The following ARHGAP45 variants were observed in gnomAD, a reference collection of about 807,000 sequenced individuals.
ARHGAP45 encodes the protein rho GTPase-activating protein 45.
A neutral mutation model predicts 116.1 loss-of-function variants in ARHGAP45; 56 were observed. That is an observed-to-expected ratio of 0.48 (90% CI 0.39 to 0.60). The LOEUF is 0.60. Among genes scored for constraint, ARHGAP45 ranks in the 20% least tolerant of loss-of-function variants. ARHGAP45 has a pLI of 0.00. For missense variants in ARHGAP45, 1,622 were observed against 1,601.0 expected (o/e 1.01, Z -0.22); for synonymous variants, 866 against 701.7 (o/e 1.23, Z -3.70).
At chr19:1,075,032 C>CCCA (rs1555706876) in intron 10 of ARHGAP45, among the ~76,000 whole-genome samples, 153 bp downstream of exon 10, 4 of 132,970 alleles carry the variant, frequency 3.0e-5, no homozygotes, top group African/African-American at 1.1e-4. Context: ...GGGCCGCCCC[C>CCCA]CCCAACGCCA....
At chr19:1,083,682 G>A (rs1599774140) in intron 21 of ARHGAP45, among the ~76,000 whole-genome samples, 3 of 152,226 alleles carry the variant, frequency 2.0e-5, no homozygotes, top group South Asian at 2.1e-4. Context: ...ACGCTGGCCC[G>A]GTGTCCACAG....
intron 2 of ARHGAP45, among the ~76,000 whole-genome samples, chr19:1,070,154 C>G (rs2043113338): frequency 6.6e-6 from 1 of 151,700 alleles, no homozygotes; most frequent in African/African-American, 2.4e-5. Context: ...TGCCACCACA[C>G]CTGGCTAATT....
At position 1,071,199 on chromosome 19, in the gene ARHGAP45, CG is replaced by C; in HGVS notation, c.422-1948del. The C allele has an allele frequency of 2.9e-6, 4 of 1,390,314 alleles. No homozygotes were observed. Among genetic ancestry groups the C allele is most frequent in the Non-Finnish European group, 3.7e-6 (4 of 1,074,598 alleles). 86.1% of individuals were successfully genotyped at this position (1,390,314 alleles called of 1,614,324 possible). ...CCTCGCGGGGGCGGGGCCTCCTGAC[CG>C]GCCGGAGCCGGTTTGGCCACCGGAG... On this transcript the variant is annotated intron_variant, in intron 2 of 22. Transcript: ENST00000313093. The surrounding 1 kb of genome is among the most constrained non-coding windows in gnomAD (Gnocchi z 4.6).
In ARHGAP45 at chr19:1,071,537, G is replaced by A. The variant is rs886326720; in HGVS notation, c.422-1612G>A. ...CGGCCGCCGGCTTCCCGGGTAGGGGGTGTGCGGGGACAGCCGGGGGTCCGT... is the reference window on the plus strand; with the variant it reads ...CGGCCGCCGGCTTCCCGGGTAGGGGATGTGCGGGGACAGCCGGGGGTCCGT... On this transcript the variant is annotated intron_variant, in intron 2 of 22. Coordinates refer to ENST00000313093, the MANE Select transcript of ARHGAP45 (RefSeq NM_012292.5). The surrounding 1 kb of genome is among the most constrained non-coding windows in gnomAD (Gnocchi z 4.6). The A allele has an allele frequency of 1.9e-4, 62 of 323,408 alleles. No individual in the cohort carries two copies. Among genetic ancestry groups the A allele is most frequent in the Admixed American group, 6.4e-4 (10 of 15,648 alleles). The allele number at this position is 323,408 out of a possible 1,614,324, so 20.0% of individuals were successfully genotyped here.
rs2145092785 is a variant in ARHGAP45, at chr19:1,084,245, C to T, written c.2963C>T (p.Ser988Leu). The change falls in exon 22 of 23, where the codon TCA becomes TTA. Residue 988 changes from serine (S) to leucine (L), a missense_variant. Ser to Leu is a moderately radical substitution (Grantham distance 145). This residue lies in a region of ARHGAP45 where 1,334 missense variants were observed against 1,263.8 expected (regional missense o/e 1.06). Transcript: ENST00000313093. ...PEETPGGQDE[S>L]SNQRAEVVVQ... ...TCCGTTCTGCACTTGCAGGACGAGT[C>T]ATCCAACCAGCGAGCTGAGGTAGTC... 6.2e-7 allele frequency: 1 copy of T among 1,613,590 alleles called. No homozygotes were observed. The highest frequency in any genetic ancestry group is 8.5e-7 in the Non-Finnish European group (1 of 1,179,862).
rs556484255 is a variant in ARHGAP45 at position 1,077,206 on chromosome 19, G to A, written c.1186-651G>A. 594 of 985,374 alleles carry A rather than the reference G, an allele frequency of 6.0e-4. No individual in the cohort carries two copies. The African/African-American group carries it at 9.7e-3, about 16-fold the overall frequency. 61.0% of individuals were successfully genotyped at this position (985,374 alleles called of 1,614,324 possible). On this transcript the variant is annotated intron_variant, in intron 10 of 22. Coordinates refer to ENST00000313093, the MANE Select transcript of ARHGAP45 (RefSeq NM_012292.5). The stretch of plus-strand genomic sequence containing the variant: ...CTCGTCTGTGAGGAGGGAAGTGAAA[G>A]CAAAAGAGCCCGGAGACGCTCCCGT...
intron 22 of ARHGAP45, among the ~76,000 whole-genome samples, 157 bp from the exon 23 acceptor site, chr19:1,085,503 T>G (rs1381642373): frequency 1.3e-5 from 2 of 149,002 alleles, no homozygotes; most frequent in Non-Finnish European, 3.0e-5. Flanking sequence ...CCTCCCCTTG[T>G]CTCTCCTCCA....
In ARHGAP45 at chr19:1,084,302, C is replaced by T. The variant is rs768474622; in HGVS notation, c.3020C>T (p.Ala1007Val). Residue 1007 changes from alanine (A) to valine (V), a missense_variant, in exon 22 of 23, where the codon GCG (alanine) becomes GTG (valine). Physicochemically the swap from Ala to Val is moderately conservative, Grantham distance 64. Coordinates refer to ENST00000313093, the MANE Select transcript of ARHGAP45 (RefSeq NM_012292.5). The part of the protein sequence containing the change: ...VQVPYLEAGE[A>V]VVYPLQEAAA... Reference sequence around the variant, plus strand: ...GTGCCGTACCTGGAGGCGGGCGAGGCGGTGGTCTACCCGCTGCAGGAGGCG... The same window carrying T: ...GTGCCGTACCTGGAGGCGGGCGAGGTGGTGGTCTACCCGCTGCAGGAGGCG... 16 of 1,612,192 alleles carry T rather than the reference C, an allele frequency of 9.9e-6. No homozygotes were observed. Among genetic ancestry groups the T allele is most frequent in the African/African-American group, 1.3e-5 (1 of 74,828 alleles).
rs777710246 is a variant in ARHGAP45, at chr19:1,073,934, T to C, written c.724-14T>C. On this transcript the variant is annotated splice_polypyrimidine_tract_variant and intron_variant, in intron 5 of 22. Transcript: ENST00000313093. The stretch of plus-strand genomic sequence containing the variant: ...CCGCATGGGGCTGGTCTCACCTGCG[T>C]CTCCGTCCTACAGTCCATGGAAAGC... The C allele has an allele frequency of 1.7e-5, 26 of 1,550,600 alleles. No homozygotes were observed. In the South Asian group the frequency reaches 2.5e-4, roughly 15 times the overall value.
At chr19:1,070,187 G>A (rs958928214) in intron 2 of ARHGAP45, among the ~76,000 whole-genome samples, 5 of 151,632 alleles carry the variant, frequency 3.3e-5, no homozygotes, top group Admixed American at 6.6e-5. Context: ...GTAGAGATGG[G>A]GTTTCACCAT....
intron 22 of ARHGAP45, among the ~76,000 whole-genome samples, chr19:1,085,199 A>G (rs1273651370): frequency 1.3e-5 from 2 of 152,178 alleles, no homozygotes; most frequent in Non-Finnish European, 2.9e-5. Flanking sequence ...AGCAAGTCAC[A>G]TCTTGCATGG....
At position 1,071,301 on chromosome 19, in the gene ARHGAP45, G is replaced by A; in HGVS notation, c.422-1848G>A. 6.8e-7 allele frequency: 1 copy of A among 1,467,680 alleles called. No homozygotes were observed. Among genetic ancestry groups the A allele is most frequent in the Admixed American group, 2.3e-5 (1 of 43,652 alleles). 90.9% of individuals were successfully genotyped at this position (1,467,680 alleles called of 1,614,324 possible). A position where few individuals can be genotyped will look rare whatever the true frequency, so the allele number is the denominator to read the frequency against. The stretch of plus-strand genomic sequence containing the variant: ...CGACGGCTGCGCCATGTGTATCTGC[G>A]GGACGGCGCACCCGGTGCTGGACGA... On this transcript the variant is annotated intron_variant, in intron 2 of 22. Coordinates refer to ENST00000313093, the MANE Select transcript of ARHGAP45 (RefSeq NM_012292.5). The surrounding 1 kb of genome is among the most constrained non-coding windows in gnomAD (Gnocchi z 4.6).
At chr19:1,067,531 C>G (rs1338171674) in intron 1 of ARHGAP45, 36 bp downstream of exon 1, 7 of 1,548,108 alleles carry the variant, frequency 4.5e-6, no homozygotes, top group Non-Finnish European at 6.1e-6. Context: ...GAGCTGACGC[C>G]GGGCCGCAGG....
intron 17 of ARHGAP45, 87 bp from the exon 18 acceptor site, chr19:1,081,463 C>CT: frequency 5.4e-6 from 7 of 1,290,478 alleles, no homozygotes; most frequent in Non-Finnish European, 6.2e-6. Flanking sequence ...GGGCTGTGAG[C>CT]GCCCCGGGGA....
chr19:1,071,439 G>A lies in ARHGAP45; in HGVS notation c.422-1710G>A, dbSNP rs1369836430. 9.6e-7 allele frequency: 1 copy of A among 1,040,684 alleles called. No homozygotes were observed. The highest frequency in any genetic ancestry group is 1.7e-5 in the African/African-American group (1 of 57,790). The allele number at this position is 1,040,684 out of a possible 1,614,324, so 64.5% of individuals were successfully genotyped here. The stretch of plus-strand genomic sequence containing the variant: ...TCGGGCCGTTTGCCGCCCGCGGTGG[G>A]GGAGCAGCGGCTGCCGCGCGCCTGG... On this transcript the variant is annotated intron_variant, in intron 2 of 22. Transcript: ENST00000313093. The surrounding 1 kb of genome is among the most constrained non-coding windows in gnomAD (Gnocchi z 4.6).
intron 13 of ARHGAP45, 31 bp downstream of exon 13, chr19:1,080,149 G>A (rs2043388032): frequency 6.2e-7 from 1 of 1,610,406 alleles, no homozygotes; most frequent in Non-Finnish European, 8.5e-7. Context: ...TGTCCCCGGC[G>A]CACAAGGCCC....
intron 19 of ARHGAP45, among the ~76,000 whole-genome samples, chr19:1,082,198 A>G (rs2043458496): frequency 7.9e-6 from 1 of 125,922 alleles, no homozygotes; most frequent in Admixed American, 8.0e-5. Context: ...ACGGACAGGG[A>G]CAGGAGGGGC....
At position 1,085,713 on chromosome 19, in the gene ARHGAP45, C is replaced by T. The variant is rs766472040; in HGVS notation, c.3118C>T (p.Leu1040=). The T allele has an allele frequency of 1.2e-5, 19 of 1,608,926 alleles. No homozygotes were observed. Residue 1040 remains leucine, a synonymous_variant, in exon 23 of 23, where the codon CTG becomes TTG. Transcript: ENST00000313093. Reference sequence around the variant, plus strand: ...CTCGGACCTAGAGGAGGCCTCCGAGCTGCTGTCCTCATCGGAGGCCAGTGC... The same window carrying T: ...CTCGGACCTAGAGGAGGCCTCCGAGTTGCTGTCCTCATCGGAGGCCAGTGC... The part of the protein sequence containing the change: ...SDSDLEEASE[L]LSSSEASALG...
chr19:1,080,207 G>T, intron 13 of ARHGAP45, 48 bp from the exon 14 acceptor site: 1 of 1,610,970 alleles, frequency 6.2e-7, no homozygotes, highest in Non-Finnish European at 8.5e-7. Context: ...AGATGAAGCT[G>T]TCTTGCCCCC....
Sources: allele counts gnomAD v4.1 joint callset (sites outside exome capture counted in the v4.1 genomes callset), GRCh38; gene constraint gnomAD v4.1.1; regional missense constraint gnomAD v4.1.1; non-coding constraint Gnocchi (gnomAD v3.1); transcripts MANE v1.5; gene names NCBI Gene and HGNC (gene_info 2026-07-23, HGNC 2026-07-21).